DIAPH3: variants seen among roughly 807,000 people sequenced by gnomAD.
The protein encoded by DIAPH3 is diaphanous related formin 3.
A neutral mutation model predicts 144.3 loss-of-function variants in DIAPH3; 117 were observed. That is an observed-to-expected ratio of 0.81 (90% CI 0.70 to 0.95). The LOEUF (loss-of-function observed/expected upper bound fraction) is 0.95. DIAPH3 is among the 40% of genes least tolerant of loss of function. The pLI is 0.00. For missense variants in DIAPH3, 1,421 were observed against 1,412.7 expected (o/e 1.01, Z -0.09); for synonymous variants, 519 against 488.9 (o/e 1.06, Z -0.81).
intron 4 of DIAPH3, among the ~76,000 whole-genome samples, chr13:60,084,929 A>G (rs996807455): frequency 6.6e-6 from 1 of 152,124 alleles, no homozygotes; most frequent in Non-Finnish European, 1.5e-5. Context: ...TTGGGCATCA[A>G]GGTGATTGAT....
At chr13:59,858,833 T>C (rs1426823465) in intron 22 of DIAPH3, among the ~76,000 whole-genome samples, 1 of 152,190 alleles carries the variant, frequency 6.6e-6, no homozygotes, top group Non-Finnish European at 1.5e-5. Flanking sequence ...TAAGCCATTA[T>C]ATCTTAGAAA....
chr13:59,879,729 TA>T (rs1182305132), intron 20 of DIAPH3, among the ~76,000 whole-genome samples: 4 of 152,108 alleles, frequency 2.6e-5, no homozygotes, highest in African/African-American at 7.2e-5. Flanking sequence ...AATTAAGCAA[TA>T]AAGTAAGCAT....
intron 4 of DIAPH3, among the ~76,000 whole-genome samples, chr13:60,054,717 G>C (rs2056490839): frequency 1.3e-5 from 2 of 151,738 alleles, no homozygotes; most frequent in Non-Finnish European, 2.9e-5. Flanking sequence ...CTGCCAAGAG[G>C]GTAATTATAA....
chr13:60,046,493 G>A (rs1480356752), intron 4 of DIAPH3, among the ~76,000 whole-genome samples: 1 of 152,210 alleles, frequency 6.6e-6, no homozygotes, highest in African/African-American at 2.4e-5. Flanking sequence ...GAGAGGATGT[G>A]TAGAAATAGG....
intron 4 of DIAPH3, among the ~76,000 whole-genome samples, chr13:60,062,049 A>C (rs925307551): frequency 6.6e-6 from 1 of 151,564 alleles, no homozygotes; most frequent in African/African-American, 2.4e-5. Flanking sequence ...TCAAATTCCC[A>C]CCTTAGGTTT....
intron 27 of DIAPH3, among the ~76,000 whole-genome samples, chr13:59,713,238 GTTTTTTTTTTTTTTTATGAGATGGT>G (rs2034845155): frequency 1.4e-5 from 2 of 140,842 alleles, no homozygotes; most frequent in Non-Finnish European, 3.1e-5. Flanking sequence ...TAATCTGAAG[GTTTTTTTTTTTTTTTATGAGATGGT>G]GTTTCACTAT....
Position 60,004,702 on chromosome 13 carries a change from T to C in DIAPH3, c.1014+3842A>G, listed in dbSNP as rs779908136. The stretch of plus-strand genomic sequence containing the variant: ...AATTTGAATGATGCTAAAATAATCT[T>C]TCACTTCTTAAAAATTAAGCTCTAA... On this transcript the variant is annotated intron_variant, in intron 9 of 27. Transcript: ENST00000400324. Among the ~76,000 whole-genome samples the C allele has an allele frequency of 4.7e-4, 72 of 152,182 alleles. 2 individuals are homozygous for C. Among genetic ancestry groups the C allele is most frequent in the Non-Finnish European group, 1.3e-4 (9 of 68,030 alleles).
chr13:59,717,398 C>T (rs1258502831), intron 27 of DIAPH3, among the ~76,000 whole-genome samples: 2 of 152,128 alleles, frequency 1.3e-5, no homozygotes, highest in Admixed American at 6.5e-5. Context: ...CAGTGCCATC[C>T]AGTGATCCAT....
intron 27 of DIAPH3, among the ~76,000 whole-genome samples, chr13:59,668,879 T>C (rs2032183198): frequency 6.6e-6 from 1 of 151,642 alleles, no homozygotes; most frequent in Admixed American, 6.6e-5. Flanking sequence ...AACACATACA[T>C]ACATACCATC....
At chr13:59,744,632 CCTT>C (rs2036618153) in intron 27 of DIAPH3, among the ~76,000 whole-genome samples, 1 of 152,116 alleles carries the variant, frequency 6.6e-6, no homozygotes, top group South Asian at 2.1e-4. Context: ...ATTGGAGACT[CCTT>C]CTCTATTAGG....
chr13:59,827,952 G>C (rs2041542387), intron 24 of DIAPH3, among the ~76,000 whole-genome samples: 1 of 151,958 alleles, frequency 6.6e-6, no homozygotes, highest in Non-Finnish European at 1.5e-5. Context: ...GTAGAAGCAT[G>C]ATATCATTTG....
chr13:60,161,785 T>C (rs1225074054), intron 1 of DIAPH3, among the ~76,000 whole-genome samples: 1 of 151,906 alleles, frequency 6.6e-6, no homozygotes, highest in Non-Finnish European at 1.5e-5. Context: ...AAGAAATAAA[T>C]GAATAAGAAA....
intron 27 of DIAPH3, among the ~76,000 whole-genome samples, chr13:59,701,928 G>C (rs1251715666): frequency 6.6e-6 from 1 of 152,110 alleles, no homozygotes; most frequent in Non-Finnish European, 1.5e-5. Flanking sequence ...TCTGATATTT[G>C]ACTGAGTACT....
intron 11 of DIAPH3, 151 bp downstream of exon 11, chr13:59,991,917 C>A (rs2051845946): frequency 2.9e-6 from 2 of 685,126 alleles, no homozygotes; most frequent in Admixed American, 2.5e-5. Context: ...TAAAAACACA[C>A]AAATTAATAA....
At chr13:60,015,730 G>A (rs1048331243) in intron 7 of DIAPH3, among the ~76,000 whole-genome samples, 183 bp downstream of exon 7, 2 of 151,880 alleles carry the variant, frequency 1.3e-5, no homozygotes, top group Non-Finnish European at 2.9e-5. Flanking sequence ...CACCAGAAGA[G>A]GTTTATTCAT....
chr13:59,689,044 G>A (rs2033367397), intron 27 of DIAPH3, among the ~76,000 whole-genome samples: 1 of 152,032 alleles, frequency 6.6e-6, no homozygotes, highest in Admixed American at 6.6e-5. Context: ...TCAATCCCCA[G>A]GCACAGAAAG....
intron 2 of DIAPH3, among the ~76,000 whole-genome samples, chr13:60,128,466 G>A (rs2059049039): frequency 6.6e-6 from 1 of 152,132 alleles, no homozygotes; most frequent in Admixed American, 6.6e-5. Context: ...TTTTGAAAGT[G>A]TGTATTACTA....
chr13:59,749,270 C>T (rs1372930614), intron 27 of DIAPH3, among the ~76,000 whole-genome samples: 1 of 146,660 alleles, frequency 6.8e-6, no homozygotes, highest in African/African-American at 2.5e-5. Context: ...CCTGTAATCC[C>T]AGCACTTTGG....
chr13:59,828,722 G>C (rs1318434437), intron 24 of DIAPH3, among the ~76,000 whole-genome samples: 1 of 151,026 alleles, frequency 6.6e-6, no homozygotes, highest in Admixed American at 6.6e-5. Context: ...TTCAAACCAT[G>C]ACAGTTGTTT....
Sources: gnomAD v4.1 joint callset for allele counts (sites outside exome capture counted in the v4.1 genomes callset) on GRCh38, gnomAD v4.1.1 for gene constraint, MANE v1.5 for transcripts, NCBI Gene and HGNC (gene_info 2026-07-23, HGNC 2026-07-21) for gene names.